Variants in PUS10 observed in about 807,000 individuals in gnomAD.
The protein encoded by PUS10 is tRNA pseudouridine synthase Pus10.
In PUS10, 59 loss-of-function variants were observed where a neutral mutation model predicts 75.0. The observed-to-expected ratio is 0.79, with a 90% CI of 0.64 to 0.98. The LOEUF (loss-of-function observed/expected upper bound fraction) is 0.98, where lower values mean the gene tolerates loss of function less well. Ranked by LOEUF, PUS10 falls within the 50% of genes least tolerant of loss-of-function variation. The pLI is 0.00. For synonymous variants in PUS10, 219 were observed against 211.6 expected, an observed-to-expected ratio of 1.03 and a Z score of -0.30; for missense variants, 650 against 614.4, an observed-to-expected ratio of 1.06 and a Z score of -0.61.
At position 60,963,692 on chromosome 2, in the gene PUS10, T is replaced by TA. The variant is rs781557379; in HGVS notation, c.724-803dup. Among the ~76,000 whole-genome samples the TA allele has an allele frequency of 2.6e-5, 4 of 152,170 alleles. No individual in the cohort carries two copies. The South Asian group carries it at 6.2e-4, about 24-fold the overall frequency. On this transcript the variant is annotated intron_variant, in intron 8 of 17. Coordinates refer to ENST00000316752, the MANE Select transcript of PUS10 (RefSeq NM_144709.4). ...GGGAACACTATGGCATTCTATAAGA[T>TA]ACCATAGGGTTACAACTGAAAATTA...
intron 1 of PUS10, 47 bp downstream of exon 1, chr2:61,017,961 A>G (rs1401503205): frequency 3.7e-6 from 5 of 1,346,230 alleles, no homozygotes; most frequent in South Asian, 2.7e-5. Context: ...CCTTTAACCA[A>G]TACCCAACCT....
chr2:61,003,479 A>T (rs1355185660), intron 4 of PUS10, among the ~76,000 whole-genome samples: 1 of 151,486 alleles, frequency 6.6e-6, no homozygotes, highest in South Asian at 2.1e-4. Context: ...AAAAAAAAAA[A>T]TTGCTGTCAT....
chr2:60,949,900 G>T (rs1291089895), intron 15 of PUS10, among the ~76,000 whole-genome samples: 1 of 152,160 alleles, frequency 6.6e-6, no homozygotes, highest in Non-Finnish European at 1.5e-5. Context: ...TTACAGACGT[G>T]AGCCACTGCC....
chr2:60,945,091 A>G lies in PUS10; in HGVS notation c.1469T>C (p.Val490Ala). The change falls in exon 17 of 18, where the codon GTA (valine) becomes GCA (alanine). Residue 490 changes from valine (V) to alanine (A), a missense_variant. By Grantham distance (64) the Val-to-Ala change is moderately conservative. Coordinates refer to ENST00000316752, the MANE Select transcript of PUS10 (RefSeq NM_144709.4). ...CTTGGTTCTCCCGAAGTCTCCATGTACAAACTCTTTAATGTAGCTGGGGTT... is the reference window on the plus strand; with the variant it reads ...CTTGGTTCTCCCGAAGTCTCCATGTGCAAACTCTTTAATGTAGCTGGGGTT... The part of the protein sequence containing the change: ...TQAGTYIKEF[V>A]HGDFGRTKPN... 1.9e-6 allele frequency: 3 copies of G among 1,613,372 alleles called. No individual in the cohort carries two copies. The highest frequency in any genetic ancestry group is 2.5e-6 in the Non-Finnish European group (3 of 1,179,274).
At chr2:60,952,159 C>A (rs1675374817) in intron 15 of PUS10, among the ~76,000 whole-genome samples, 2 of 151,930 alleles carry the variant, frequency 1.3e-5, no homozygotes, top group Admixed American at 6.6e-5. Flanking sequence ...CATGGCAAAA[C>A]CCCATCTCTA....
At chr2:61,014,700 T>C (rs1679853286) in intron 1 of PUS10, among the ~76,000 whole-genome samples, 1 of 152,216 alleles carries the variant, frequency 6.6e-6, no homozygotes, top group Non-Finnish European at 1.5e-5. Flanking sequence ...GCTGTAACTG[T>C]GGTCATAAAG....
At chr2:60,982,719 C>T (rs1366698006) in intron 4 of PUS10, among the ~76,000 whole-genome samples, 1 of 152,086 alleles carries the variant, frequency 6.6e-6, no homozygotes, top group Non-Finnish European at 1.5e-5. Flanking sequence ...CGTAAGAAAA[C>T]CTCACAGTTC....
intron 4 of PUS10, among the ~76,000 whole-genome samples, chr2:60,994,147 C>T (rs1199175765): frequency 6.6e-6 from 1 of 151,666 alleles, no homozygotes; most frequent in Non-Finnish European, 1.5e-5. Context: ...GTCCTTCCTT[C>T]TGCTTGGAGG....
chr2:60,998,541 TA>T (rs962868470), intron 4 of PUS10, among the ~76,000 whole-genome samples: 5 of 151,990 alleles, frequency 3.3e-5, no homozygotes, highest in African/African-American at 1.2e-4. Context: ...ATACAAAAAT[TA>T]GCCGGATGTG....
At chr2:60,952,811 G>A (rs761644272) in intron 15 of PUS10, among the ~76,000 whole-genome samples, 186 bp downstream of exon 15, 1 of 152,210 alleles carries the variant, frequency 6.6e-6, no homozygotes, top group African/African-American at 2.4e-5. Context: ...CCACGCTGCC[G>A]CTCCAGGGGG....
intron 1 of PUS10, among the ~76,000 whole-genome samples, chr2:61,014,511 T>C (rs1406018061): frequency 6.6e-6 from 1 of 152,158 alleles, no homozygotes; most frequent in Non-Finnish European, 1.5e-5. Context: ...AAATACTATA[T>C]AGAGAATGAA....
intron 4 of PUS10, among the ~76,000 whole-genome samples, chr2:60,997,956 A>G (rs1269281784): frequency 6.6e-6 from 1 of 152,210 alleles, no homozygotes; most frequent in Non-Finnish European, 1.5e-5. Flanking sequence ...ATACAAAATA[A>G]AAATCGAGAA....
chr2:60,977,295 A>T (rs1187525213), intron 4 of PUS10, among the ~76,000 whole-genome samples: 1 of 152,202 alleles, frequency 6.6e-6, no homozygotes, highest in Non-Finnish European at 1.5e-5. Flanking sequence ...TGTGTTGCAA[A>T]ACTACAATTC....
rs1674631076 is a variant in PUS10 at position 60,941,632 on chromosome 2, A to G, written c.*763T>C. 6.6e-6 allele frequency: 1 copy of G among 152,252 alleles called. No homozygotes were observed. The highest frequency in any genetic ancestry group is 2.1e-4 in the South Asian group (1 of 4,822). 9.4% of individuals were successfully genotyped at this position (152,252 alleles called of 1,614,324 possible). A position where few individuals can be genotyped will look rare whatever the true frequency, so the allele number is the denominator to read the frequency against. On this transcript the variant is annotated 3_prime_UTR_variant, in exon 18 of 18. Transcript: ENST00000316752. Reference sequence around the variant, plus strand: ...TTTGTTTAGCAATCTCAATTTTTCAAATTCTTAACCCTGGGATTGAAGTTA... The same window carrying G: ...TTTGTTTAGCAATCTCAATTTTTCAGATTCTTAACCCTGGGATTGAAGTTA...
intron 4 of PUS10, among the ~76,000 whole-genome samples, chr2:60,997,491 T>C (rs924289002): frequency 1.3e-5 from 2 of 151,306 alleles, no homozygotes; most frequent in Non-Finnish European, 2.9e-5. Context: ...GCACCTGTAG[T>C]CCCAGCTACT....
intron 8 of PUS10, among the ~76,000 whole-genome samples, chr2:60,964,758 C>T (rs1221488780): frequency 3.9e-5 from 6 of 152,078 alleles, no homozygotes; most frequent in African/African-American, 1.2e-4. Flanking sequence ...ATCTAAACGT[C>T]GAATTTAATG....
chr2:60,951,196 C>T (rs2104207939), intron 15 of PUS10, among the ~76,000 whole-genome samples: 1 of 152,222 alleles, frequency 6.6e-6, no homozygotes, highest in Admixed American at 6.5e-5. Context: ...ACACAATCCT[C>T]TATATGTGTA....
chr2:60,973,069 T>A (rs1676789244), intron 4 of PUS10, among the ~76,000 whole-genome samples: 1 of 152,206 alleles, frequency 6.6e-6, no homozygotes, highest in African/African-American at 2.4e-5. Context: ...GGCAGCCAAC[T>A]GTGCCACCTC....
intron 4 of PUS10, among the ~76,000 whole-genome samples, chr2:60,982,239 G>GATTT (rs1362881016): frequency 6.6e-6 from 1 of 151,650 alleles, no homozygotes; most frequent in African/African-American, 2.4e-5. Flanking sequence ...TTGATCCCTG[G>GATTT]ATTTATTTAT....
Sources: gnomAD v4.1 joint callset for allele counts (sites outside exome capture counted in the v4.1 genomes callset) on GRCh38, gnomAD v4.1.1 for gene constraint, MANE v1.5 for transcripts, NCBI Gene and HGNC (gene_info 2026-07-23, HGNC 2026-07-21) for gene names.